PKNOX2: variants seen among roughly 807,000 people sequenced by gnomAD.
The protein encoded by PKNOX2 is PBX/knotted 1 homeobox 2, also known as homeobox protein PKNOX2.
PKNOX2 carries 14 observed loss-of-function variants against 53.1 expected under a neutral mutation model. That is an observed-to-expected ratio of 0.26 (90% CI 0.17 to 0.41). PKNOX2 has a LOEUF of 0.41. Ranked by LOEUF, PKNOX2 falls within the 10% of genes least tolerant of loss-of-function variation. PKNOX2 has a pLI of 1.00. For missense variants in PKNOX2, 496 were observed against 602.8 expected, an observed-to-expected ratio of 0.82 and a Z score of 1.85; for synonymous variants, 257 against 242.8, an observed-to-expected ratio of 1.06 and a Z score of -0.54.
chr11:125,314,676 G>A (rs73621043), intron 2 of PKNOX2, among the ~76,000 whole-genome samples: 3,410 of 152,220 alleles, frequency 0.022, 130 homozygotes, highest in African/African-American at 0.075. Flanking sequence ...CTGTGCTGCA[G>A]AGAGTAGGGG....
At chr11:125,228,421 C>T (rs1397786376) in intron 1 of PKNOX2, among the ~76,000 whole-genome samples, 1 of 152,220 alleles carries the variant, frequency 6.6e-6, no homozygotes, top group Non-Finnish European at 1.5e-5. Context: ...GTGTCTGGCA[C>T]ATAGTAAGCA....
chr11:125,280,102 CTTTTT>C (rs35541174), intron 2 of PKNOX2, among the ~76,000 whole-genome samples: 1 of 133,190 alleles, frequency 7.5e-6, no homozygotes. Flanking sequence ...ATTTTTTTTC[CTTTTT>C]TTTTTTTTTT....
At chr11:125,178,877 C>A (rs998314558) in intron 1 of PKNOX2, among the ~76,000 whole-genome samples, 6 of 152,088 alleles carry the variant, frequency 3.9e-5, no homozygotes, top group Non-Finnish European at 8.8e-5. Flanking sequence ...ACCTCCTGAG[C>A]CTCAGTTCTC....
intron 2 of PKNOX2, among the ~76,000 whole-genome samples, chr11:125,283,808 G>T (rs1275762052): frequency 6.6e-6 from 1 of 152,180 alleles, no homozygotes; most frequent in Non-Finnish European, 1.5e-5. Context: ...TTGTGTCCAG[G>T]ATAGAAAGGT....
At chr11:125,292,818 G>A (rs1268438095) in intron 2 of PKNOX2, among the ~76,000 whole-genome samples, 1 of 152,208 alleles carries the variant, frequency 6.6e-6, no homozygotes, top group Non-Finnish European at 1.5e-5. Context: ...CCCTAAAAGA[G>A]AGGAAGTACC....
rs1265150372 is a variant in PKNOX2, at chr11:125,205,623, ATCTC to A, written c.-200-29418_-200-29415del. Among the ~76,000 whole-genome samples the A allele has an allele frequency of 7.9e-5, 12 of 151,534 alleles. No homozygotes were observed. The South Asian group carries it at 1.3e-3, about 16-fold the overall frequency. ...ATAACCCTTTCAGCCCAAATATTCT[ATCTC>A]TCTAAGTAGCCCCTGTTTTTAAATA... On this transcript the variant is annotated intron_variant, in intron 1 of 12. Transcript: ENST00000298282.
At chr11:125,335,224 T>C (rs1327986403) in intron 3 of PKNOX2, among the ~76,000 whole-genome samples, 1 of 152,222 alleles carries the variant, frequency 6.6e-6, no homozygotes, top group Non-Finnish European at 1.5e-5. Context: ...GGGCCCCCTC[T>C]GAACTCCCTG....
intron 1 of PKNOX2, among the ~76,000 whole-genome samples, chr11:125,172,067 T>A (rs1446251794): frequency 6.6e-6 from 1 of 152,186 alleles, no homozygotes; most frequent in East Asian, 1.9e-4. Flanking sequence ...GAGGACTGGC[T>A]GAGCGGCTGG....
chr11:125,346,086 G>A (rs1161953891), intron 3 of PKNOX2, among the ~76,000 whole-genome samples: 1 of 151,214 alleles, frequency 6.6e-6, no homozygotes, highest in Non-Finnish European at 1.5e-5. Flanking sequence ...CAGCTTTTCG[G>A]TCCCTCCTGC....
chr11:125,305,222 AGC>A (rs1305352054), intron 2 of PKNOX2, among the ~76,000 whole-genome samples: 1 of 152,204 alleles, frequency 6.6e-6, no homozygotes, highest in African/African-American at 2.4e-5. Flanking sequence ...CTCCGGCTTC[AGC>A]CTTTTACAGT....
At chr11:125,196,794 C>G (rs954992657) in intron 1 of PKNOX2, among the ~76,000 whole-genome samples, 2 of 152,168 alleles carry the variant, frequency 1.3e-5, no homozygotes, top group African/African-American at 4.8e-5. Flanking sequence ...CCACAGCTGT[C>G]CTGTAGTGGC....
chr11:125,264,829 C>A (rs4399344), intron 2 of PKNOX2, among the ~76,000 whole-genome samples: 38,503 of 151,982 alleles, frequency 0.25, 5,708 homozygotes, highest in Non-Finnish European at 0.33. Context: ...AGAAGGCGGC[C>A]GATTTTAGAA....
At chr11:125,411,973 C>T (rs1253001647) in intron 10 of PKNOX2, 108 bp downstream of exon 10, 23 of 1,530,086 alleles carry the variant, frequency 1.5e-5, no homozygotes, top group East Asian at 1.1e-4. Context: ...ACAGAGGGCG[C>T]GGCCTCGGGG....
intron 5 of PKNOX2, among the ~76,000 whole-genome samples, chr11:125,374,452 G>T (rs545413266): frequency 6.6e-6 from 1 of 152,298 alleles, no homozygotes; most frequent in African/African-American, 2.4e-5. Context: ...ATAGTCAGGG[G>T]GGTGATCCTG....
At chr11:125,403,931 A>G (rs1249934505) in intron 7 of PKNOX2, among the ~76,000 whole-genome samples, 1 of 152,184 alleles carries the variant, frequency 6.6e-6, no homozygotes, top group Non-Finnish European at 1.5e-5. Context: ...GAAGGGGGCT[A>G]ATCAATGCAT....
chr11:125,239,076 C>T (rs1445126850), intron 2 of PKNOX2, among the ~76,000 whole-genome samples: 6 of 152,306 alleles, frequency 3.9e-5, no homozygotes, highest in East Asian at 1.9e-4. Flanking sequence ...GCCATTCACT[C>T]GCCCAGTAAA....
rs996226127 is a variant in PKNOX2 at position 125,370,967 on chromosome 11, C to T, written c.227+2982C>T. Reference sequence around the variant, plus strand: ...GAAGGGTGGGTGTGGCCCCTCCCTGCCTAGGACACTGCTCGGTGGCAGAGG... The same window carrying T: ...GAAGGGTGGGTGTGGCCCCTCCCTGTCTAGGACACTGCTCGGTGGCAGAGG... On this transcript the variant is annotated intron_variant, in intron 5 of 12. Transcript: ENST00000298282. The surrounding 1 kb of genome is among the most constrained non-coding windows in gnomAD (Gnocchi z 4.1). 6.6e-6 allele frequency among the ~76,000 whole-genome samples: 1 copy of T among 152,182 alleles called. No homozygotes were observed. The highest frequency in any genetic ancestry group is 1.5e-5 in the Non-Finnish European group (1 of 68,032).
rs368111534 is a variant in PKNOX2, at chr11:125,305,420, C to T, written c.-129-26399C>T. ...CTCTCTCAAAAGATCCAGCCTGCTG[C>T]GAACTCCCTGAACCCCTTCATGCTT... On this transcript the variant is annotated intron_variant, in intron 2 of 12. Transcript: ENST00000298282. Among the ~76,000 whole-genome samples, 12 of 152,286 alleles carry T rather than the reference C, an allele frequency of 7.9e-5. No individual in the cohort carries two copies. In the East Asian group the frequency reaches 1.2e-3, roughly 15 times the overall value.
At chr11:125,364,026 A>G (rs1311180274) in intron 4 of PKNOX2, among the ~76,000 whole-genome samples, 1 of 152,176 alleles carries the variant, frequency 6.6e-6, no homozygotes, top group East Asian at 1.9e-4. Flanking sequence ...GTTTCAGCCC[A>G]CTGCTTAATA....
Sources: gnomAD v4.1 joint callset for allele counts (sites outside exome capture counted in the v4.1 genomes callset) on GRCh38, gnomAD v4.1.1 for gene constraint, Gnocchi (gnomAD v3.1) non-coding constraint, MANE v1.5 for transcripts, NCBI Gene and HGNC (gene_info 2026-07-23, HGNC 2026-07-21) for gene names.